The following DLG2 variants were observed in gnomAD, a reference collection of about 807,000 sequenced individuals.
DLG2 encodes disks large homolog 2.
In DLG2, 45 loss-of-function variants were observed where a neutral mutation model predicts 132.5. The observed-to-expected ratio is 0.34, with a 90% CI of 0.27 to 0.44. The LOEUF (loss-of-function observed/expected upper bound fraction) is 0.44. Ranked by LOEUF, DLG2 falls within the 20% of genes least tolerant of loss-of-function variation. The probability of loss-of-function intolerance (pLI) is 1.00; values close to 1 mark genes in which losing one functional copy is unlikely to be tolerated. For synonymous variants in DLG2, 424 were observed against 419.6 expected, an observed-to-expected ratio of 1.01 and a Z score of -0.13; for missense variants, 1,045 against 1,196.9, an observed-to-expected ratio of 0.87 and a Z score of 1.87.
intron 21 of DLG2, among the ~76,000 whole-genome samples, chr11:83,526,870 G>A (rs972846212): frequency 2.0e-5 from 3 of 152,028 alleles, no homozygotes; most frequent in African/African-American, 7.2e-5. Context: ...CACTGAAAAC[G>A]TGTTTTCTGC....
chr11:84,044,588 C>G (rs1274448634), intron 11 of DLG2, among the ~76,000 whole-genome samples: 1 of 151,640 alleles, frequency 6.6e-6, no homozygotes, highest in Non-Finnish European at 1.5e-5. Flanking sequence ...TCTTGTAAGA[C>G]CCCAATTCTG....
At chr11:84,677,178 A>G (rs961189453) in intron 6 of DLG2, among the ~76,000 whole-genome samples, 1 of 152,120 alleles carries the variant, frequency 6.6e-6, no homozygotes, top group African/African-American at 2.4e-5. Context: ...GGCATTCATT[A>G]AAGTAGATTG....
At chr11:84,538,430 T>C (rs1591847450) in intron 6 of DLG2, among the ~76,000 whole-genome samples, 2 of 152,310 alleles carry the variant, frequency 1.3e-5, no homozygotes, top group East Asian at 3.9e-4. Context: ...CCTCCTCTCT[T>C]GGATGTCCAC....
intron 19 of DLG2, among the ~76,000 whole-genome samples, chr11:83,620,247 GTGA>G (rs3040169): frequency 0.19 from 28,558 of 151,972 alleles, 2,797 homozygotes; most frequent in Non-Finnish European, 0.19. Flanking sequence ...ATACTATAAT[GTGA>G]TGATATCTTT....
chr11:84,524,441 C>T (rs893553277), intron 7 of DLG2, among the ~76,000 whole-genome samples: 5 of 152,166 alleles, frequency 3.3e-5, no homozygotes, highest in Non-Finnish European at 7.4e-5. Flanking sequence ...GATTTTGTGC[C>T]TACATTCAGA....
At chr11:84,861,618 C>CAAAAAAAAAAAAAAAAAAAAAA (rs1177657034) in intron 6 of DLG2, among the ~76,000 whole-genome samples, 7 of 35,834 alleles carry the variant, frequency 2.0e-4, no homozygotes, top group African/African-American at 7.7e-4. Context: ...TTCTACACAG[C>CAAAAAAAAAAAAAAAAAAAAAA]AAAAAAAAAA....
intron 19 of DLG2, among the ~76,000 whole-genome samples, chr11:83,628,281 A>G (rs1468814853): frequency 6.6e-6 from 1 of 152,108 alleles, no homozygotes; most frequent in Non-Finnish European, 1.5e-5. Context: ...ATGGTATCCT[A>G]TTACTATACT....
chr11:84,988,159 G>A (rs1405858062), intron 6 of DLG2, among the ~76,000 whole-genome samples: 1 of 152,102 alleles, frequency 6.6e-6, no homozygotes, highest in African/African-American at 2.4e-5. Context: ...CGTCACTAAT[G>A]ATCAGGGAAA....
intron 19 of DLG2, among the ~76,000 whole-genome samples, chr11:83,625,873 C>G (rs748816444): frequency 6.6e-6 from 1 of 152,164 alleles, no homozygotes; most frequent in Non-Finnish European, 1.5e-5. Flanking sequence ...CAACCAGACT[C>G]GATGCACTTG....
At chr11:83,710,044 GTGCCTGGGA>G (rs1438422189) in intron 18 of DLG2, among the ~76,000 whole-genome samples, 2 of 152,132 alleles carry the variant, frequency 1.3e-5, no homozygotes, top group Non-Finnish European at 2.9e-5. Flanking sequence ...TGAAAATAGG[GTGCCTGGGA>G]TCATATGAAA....
chr11:84,302,443 TAA>T (rs879754017), intron 7 of DLG2, among the ~76,000 whole-genome samples: 33 of 152,158 alleles, frequency 2.2e-4, no homozygotes, highest in Non-Finnish European at 3.5e-4. Context: ...TGCTAATTTT[TAA>T]AAAGAAGTTA....
At chr11:85,229,537 T>C (rs2075175809) in intron 4 of DLG2, among the ~76,000 whole-genome samples, 1 of 152,166 alleles carries the variant, frequency 6.6e-6, no homozygotes, top group Admixed American at 6.6e-5. Flanking sequence ...TTTACACTGT[T>C]GGTGGGAGTG....
intron 6 of DLG2, among the ~76,000 whole-genome samples, chr11:84,698,510 A>G (rs2058853869): frequency 6.6e-6 from 1 of 151,582 alleles, no homozygotes; most frequent in Admixed American, 6.6e-5. Context: ...AATACAATCG[A>G]CTTTTTGGTA....
At chr11:84,172,457 A>G (rs2095846512) in intron 8 of DLG2, among the ~76,000 whole-genome samples, 1 of 152,098 alleles carries the variant, frequency 6.6e-6, no homozygotes, top group Admixed American at 6.6e-5. Context: ...AGCTCAGCGA[A>G]TGCTAAATCA....
At chr11:83,784,165 G>A (rs1205165670) in intron 18 of DLG2, among the ~76,000 whole-genome samples, 3 of 152,116 alleles carry the variant, frequency 2.0e-5, no homozygotes, top group African/African-American at 7.2e-5. Flanking sequence ...AGGGTTGAAC[G>A]ACTTACAATA....
At chr11:84,337,414 A>T (rs1241857584) in intron 7 of DLG2, among the ~76,000 whole-genome samples, 1 of 152,240 alleles carries the variant, frequency 6.6e-6, no homozygotes, top group Non-Finnish European at 1.5e-5. Flanking sequence ...ATAAGCAAAG[A>T]GAAAAATTAC....
chr11:84,328,008 A>G (rs2098440920), intron 7 of DLG2, among the ~76,000 whole-genome samples: 1 of 152,114 alleles, frequency 6.6e-6, no homozygotes, highest in South Asian at 2.1e-4. Context: ...TCCTGGGTGT[A>G]TTGTTTCCAA....
At chr11:85,236,539 T>C (rs1027115182) in intron 4 of DLG2, among the ~76,000 whole-genome samples, 1 of 152,042 alleles carries the variant, frequency 6.6e-6, no homozygotes, top group Non-Finnish European at 1.5e-5. Context: ...TTTAACTAAA[T>C]AACTTCTTTA....
chr11:83,633,223 G>A lies in DLG2; in HGVS notation c.1928C>T (p.Ser643Phe). Residue 643 changes from serine to phenylalanine, a missense_variant, in exon 19 of 28, where the codon TCC becomes TTC. Physicochemically the swap from Ser to Phe is radical, Grantham distance 155 (BLOSUM62 -2). Transcript: ENST00000376104. ...SGSLRTNQKR[S>F]LYVRAMFDYD... ...CTCCTTTGCCTACCTGACGTAGAGG[G>A]AGCGTTTCTGATTGGTTCGCAGGGA... The A allele has an allele frequency of 6.2e-7, 1 of 1,613,624 alleles. No homozygotes were observed. Among genetic ancestry groups the A allele is most frequent in the Non-Finnish European group, 8.5e-7 (1 of 1,179,662 alleles).
Sources: allele counts gnomAD v4.1 joint callset (sites outside exome capture counted in the v4.1 genomes callset), GRCh38; gene constraint gnomAD v4.1.1; transcripts MANE v1.5; gene names NCBI Gene and HGNC (gene_info 2026-07-23, HGNC 2026-07-21).